CPB2: variants seen among roughly 807,000 people sequenced by gnomAD.
CPB2 encodes carboxypeptidase B-like protein.
A neutral mutation model predicts 57.0 loss-of-function variants in CPB2; 54 were observed. That is an observed-to-expected ratio of 0.95 (90% CI 0.76 to 1.19). The LOEUF (loss-of-function observed/expected upper bound fraction) is 1.19, where lower values mean the gene tolerates loss of function less well. Ranked by LOEUF, CPB2 falls within the 50% of genes most tolerant of loss-of-function variation. The pLI, the probability that CPB2 is intolerant of heterozygous loss-of-function variation, is 0.00. For synonymous variants in CPB2, 189 were observed against 178.1 expected, an observed-to-expected ratio of 1.06 and a Z score of -0.49; for missense variants, 426 against 512.0, an observed-to-expected ratio of 0.83 and a Z score of 1.62.
intron 6 of CPB2, among the ~76,000 whole-genome samples, chr13:46,071,778 C>A (rs550932583): frequency 1.5e-4 from 23 of 152,196 alleles, no homozygotes; most frequent in Admixed American, 5.2e-4. Context: ...AGCAGCCCCT[C>A]TACTTGAAGG....
chr13:46,063,759 G>T lies in CPB2; in HGVS notation c.796+889C>A, dbSNP rs191422986. On this transcript the variant is annotated intron_variant, in intron 8 of 10. Transcript: ENST00000181383. ...AAAAATCTTCAAACTCCTGAAAGCA[G>T]ACTGTTCTTGAATGCATAACTCAAC... Among the ~76,000 whole-genome samples the T allele has an allele frequency of 8.1e-4, 123 of 152,202 alleles. 1 individual carries two copies. The South Asian group carries it at 0.01, about 13-fold the overall frequency.
chr13:46,080,039 T>C (rs762647783), intron 4 of CPB2, among the ~76,000 whole-genome samples: 2 of 152,220 alleles, frequency 1.3e-5, no homozygotes, highest in Non-Finnish European at 2.9e-5. Flanking sequence ...AAAAAATAAT[T>C]TATGCATTGA....
intron 6 of CPB2, among the ~76,000 whole-genome samples, chr13:46,070,625 C>T (rs1426882249): frequency 6.6e-6 from 1 of 151,886 alleles, no homozygotes; most frequent in Admixed American, 6.6e-5. Flanking sequence ...TAGTACATAA[C>T]GACATATAGG....
chr13:46,061,774 C>T (rs1428821350), intron 8 of CPB2, among the ~76,000 whole-genome samples: 3 of 152,184 alleles, frequency 2.0e-5, no homozygotes, highest in Non-Finnish European at 2.9e-5. Context: ...CCACTCTCAT[C>T]TCCAACACAC....
chr13:46,099,243 G>C (rs544829944), intron 1 of CPB2: 3 of 152,084 alleles, frequency 2.0e-5, no homozygotes, highest in Non-Finnish European at 4.4e-5. Flanking sequence ...GATCCAGCTG[G>C]GCAGAAATAT....
At chr13:46,074,489 G>A (rs947604088) in intron 5 of CPB2, among the ~76,000 whole-genome samples, 2 of 152,026 alleles carry the variant, frequency 1.3e-5, no homozygotes, top group African/African-American at 2.4e-5. Flanking sequence ...AACCTCTCAC[G>A]AACTTACCAG....
At chr13:46,077,673 C>A (rs1005199366) in intron 5 of CPB2, among the ~76,000 whole-genome samples, 4 of 136,922 alleles carry the variant, frequency 2.9e-5, no homozygotes, top group African/African-American at 1.1e-4. Context: ...TAGAATCAAC[C>A]TAAGTGTTCT....
intron 4 of CPB2, among the ~76,000 whole-genome samples, chr13:46,079,775 A>G (rs1273290194): frequency 6.6e-6 from 1 of 152,130 alleles, no homozygotes; most frequent in Non-Finnish European, 1.5e-5. Flanking sequence ...GTGATTTCAA[A>G]TAGCAATCCT....
At chr13:46,060,577 T>A (rs984415371) in intron 8 of CPB2, among the ~76,000 whole-genome samples, 13 of 152,178 alleles carry the variant, frequency 8.5e-5, no homozygotes, top group Non-Finnish European at 1.6e-4. Context: ...ATTCTTGAAA[T>A]ATTTTATGTT....
chr13:46,094,643 A>G (rs958922130), intron 1 of CPB2, among the ~76,000 whole-genome samples: 1 of 152,192 alleles, frequency 6.6e-6, no homozygotes, highest in Non-Finnish European at 1.5e-5. Flanking sequence ...TACAATGAGC[A>G]GTAAGGTCGG....
intron 6 of CPB2, among the ~76,000 whole-genome samples, chr13:46,071,917 C>T (rs1194534804): frequency 6.6e-6 from 1 of 152,126 alleles, no homozygotes; most frequent in Non-Finnish European, 1.5e-5. Flanking sequence ...TTTTCTAGGG[C>T]AGAGGTTTGG....
rs1360051753 is a variant in CPB2 at position 46,053,393 on chromosome 13, T to G, written c.*221A>C. On this transcript the variant is annotated 3_prime_UTR_variant, in exon 11 of 11. Transcript: ENST00000181383. ...CGTCGAAAATCAAAGAAAAAGTAGG[T>G]AACTAGACTTTTACAATTTTTTTTA... The G allele has an allele frequency of 1.9e-6, 1 of 538,080 alleles. No individual in the cohort carries two copies. 33.3% of individuals were successfully genotyped at this position (538,080 alleles called of 1,614,324 possible). A position where few individuals can be genotyped will look rare whatever the true frequency, so the allele number is the denominator to read the frequency against.
chr13:46,080,587 G>C (rs1033130992), intron 4 of CPB2, among the ~76,000 whole-genome samples: 4 of 152,160 alleles, frequency 2.6e-5, no homozygotes, highest in African/African-American at 9.7e-5. Context: ...GGCCCTTAGA[G>C]TGGGCACGAA....
At chr13:46,073,009 T>C (rs1419849751) in intron 6 of CPB2, among the ~76,000 whole-genome samples, 1 of 152,122 alleles carries the variant, frequency 6.6e-6, no homozygotes, top group East Asian at 1.9e-4. Flanking sequence ...CCATGGAGAA[T>C]GGAGGATAGA....
At chr13:46,071,313 A>C (rs555706594) in intron 6 of CPB2, among the ~76,000 whole-genome samples, 1 of 152,332 alleles carries the variant, frequency 6.6e-6, no homozygotes, top group African/African-American at 2.4e-5. Context: ...AGTAGGGGTG[A>C]GAAATGAGAG....
intron 8 of CPB2, among the ~76,000 whole-genome samples, chr13:46,063,936 A>G (rs1298057958): frequency 6.6e-6 from 1 of 151,962 alleles, no homozygotes; most frequent in African/African-American, 2.4e-5. Context: ...TTCAAACACT[A>G]TAGAAGTAAA....
At chr13:46,097,017 A>T (rs1044361007) in intron 1 of CPB2, 10 of 152,266 alleles carry the variant, frequency 6.6e-5, no homozygotes, top group Non-Finnish European at 1.5e-4. Context: ...CAGATTGGAG[A>T]CAAAGAGATT....
At chr13:46,057,343 A>G (rs995356766) in intron 9 of CPB2, among the ~76,000 whole-genome samples, 11 of 152,148 alleles carry the variant, frequency 7.2e-5, no homozygotes, top group African/African-American at 2.2e-4. Context: ...ATAATCTTAT[A>G]TTTGTCATCA....
chr13:46,104,079 A>G (rs2045466666), intron 1 of CPB2, among the ~76,000 whole-genome samples: 1 of 152,176 alleles, frequency 6.6e-6, no homozygotes, highest in Non-Finnish European at 1.5e-5. Flanking sequence ...CCATTGTCCT[A>G]TGGTTATTTA....
Sources: allele counts gnomAD v4.1 joint callset (sites outside exome capture counted in the v4.1 genomes callset), GRCh38; gene constraint gnomAD v4.1.1; transcripts MANE v1.5; gene names NCBI Gene and HGNC (gene_info 2026-07-23, HGNC 2026-07-21).